CFAP299: variants seen among roughly 807,000 people sequenced by gnomAD.
The protein encoded by CFAP299 is cilia- and flagella-associated protein 299.
CFAP299 carries 21 observed loss-of-function variants against 27.0 expected under a neutral mutation model. That is an observed-to-expected ratio of 0.78 (90% CI 0.55 to 1.12). CFAP299 has a LOEUF of 1.12. Among genes scored for constraint, CFAP299 ranks in the 50% most tolerant of loss-of-function variants. The pLI is 0.00. For synonymous variants in CFAP299, 104 were observed against 98.1 expected, an observed-to-expected ratio of 1.06 and a Z score of -0.36; for missense variants, 310 against 276.6, an observed-to-expected ratio of 1.12 and a Z score of -0.86.
intron 3 of CFAP299, among the ~76,000 whole-genome samples, chr4:80,825,487 T>G (rs1389041519): frequency 6.6e-6 from 1 of 152,004 alleles, no homozygotes; most frequent in Non-Finnish European, 1.5e-5. Context: ...ATAAAATTCT[T>G]AAAACAACAA....
rs188282853 is a variant in CFAP299, at chr4:80,843,883, G to T, written c.334-26110G>T. On this transcript the variant is annotated intron_variant, in intron 3 of 5. Coordinates refer to ENST00000358105, the MANE Select transcript of CFAP299 (RefSeq NM_152770.3). ...CCATTAACTCGTCATTTAGCATTAG[G>T]TATATCTCCTAATGTATCCCTCCCC... 3.8e-3 allele frequency among the ~76,000 whole-genome samples: 584 copies of T among 151,692 alleles called. 6 individuals are homozygous for T. The highest frequency in any genetic ancestry group is 0.014 in the African/African-American group (557 of 41,100).
chr4:80,720,314 C>A (rs1385252582), intron 3 of CFAP299, among the ~76,000 whole-genome samples: 2 of 152,008 alleles, frequency 1.3e-5, no homozygotes, highest in African/African-American at 4.8e-5. Flanking sequence ...ACAGGGTCAC[C>A]AACTAGATTG....
intron 3 of CFAP299, among the ~76,000 whole-genome samples, chr4:80,721,826 A>C (rs1722835000): frequency 6.6e-6 from 1 of 152,164 alleles, no homozygotes; most frequent in Non-Finnish European, 1.5e-5. Context: ...AAAAAGAAAA[A>C]AACTGTCAAC....
chr4:80,840,809 ATAATT>A (rs2110138648), intron 3 of CFAP299, among the ~76,000 whole-genome samples: 1 of 152,240 alleles, frequency 6.6e-6, no homozygotes, highest in African/African-American at 2.4e-5. Context: ...TAGCCTCCAA[ATAATT>A]GGTTTGCCTT....
At chr4:80,866,833 A>T (rs953340524) in intron 3 of CFAP299, among the ~76,000 whole-genome samples, 3 of 152,152 alleles carry the variant, frequency 2.0e-5, no homozygotes, top group Admixed American at 6.6e-5. Context: ...GATTTAACTG[A>T]CCCAAGAAGG....
At chr4:80,470,828 T>C (rs1729957627) in intron 2 of CFAP299, among the ~76,000 whole-genome samples, 2 of 152,156 alleles carry the variant, frequency 1.3e-5, no homozygotes, top group South Asian at 4.1e-4. Context: ...GGGTGAGATA[T>C]GTATCAGCAG....
chr4:80,730,248 C>CTGTG (rs34594345), intron 3 of CFAP299, among the ~76,000 whole-genome samples: 1,575 of 130,836 alleles, frequency 0.012, 26 homozygotes, highest in East Asian at 0.042. Flanking sequence ...CTCTCTCTCT[C>CTGTG]TGTGTGTGTG....
chr4:80,631,724 C>T (rs13136169), intron 3 of CFAP299, among the ~76,000 whole-genome samples: 92,621 of 151,906 alleles, frequency 0.61, 32,146 homozygotes, highest in Non-Finnish European at 0.77. Context: ...TCTTTTTAAT[C>T]TATGTCATCA....
rs190292618 is a variant in CFAP299, at chr4:80,840,233, T to C, written c.334-29760T>C. 1.2e-4 allele frequency among the ~76,000 whole-genome samples: 19 copies of C among 152,274 alleles called. No individual in the cohort carries two copies. In the East Asian group the frequency reaches 3.7e-3, roughly 29 times the overall value. Reference sequence around the variant, plus strand: ...AACTTGAACTAGATGGTATATGTTGTGTTCTAATCTTCAATAATTAAGTAC... The same window carrying C: ...AACTTGAACTAGATGGTATATGTTGCGTTCTAATCTTCAATAATTAAGTAC... On this transcript the variant is annotated intron_variant, in intron 3 of 5. Transcript: ENST00000358105.
chr4:80,741,031 A>G (rs1341401449), intron 3 of CFAP299, among the ~76,000 whole-genome samples: 1 of 152,134 alleles, frequency 6.6e-6, no homozygotes, highest in Non-Finnish European at 1.5e-5. Flanking sequence ...TTGTTGCTCT[A>G]CCTGACTATG....
intron 3 of CFAP299, among the ~76,000 whole-genome samples, chr4:80,655,825 T>C (rs1036565995): frequency 6.6e-6 from 1 of 152,158 alleles, no homozygotes; most frequent in African/African-American, 2.4e-5. Flanking sequence ...CCAACTTCAT[T>C]TTCTGAAACT....
intron 3 of CFAP299, among the ~76,000 whole-genome samples, chr4:80,617,914 G>A (rs1389077948): frequency 6.6e-6 from 1 of 151,982 alleles, no homozygotes; most frequent in Non-Finnish European, 1.5e-5. Flanking sequence ...TTAAAGATCT[G>A]CCCAAAGGAA....
chr4:80,406,500 G>A (rs1288638192), intron 2 of CFAP299, among the ~76,000 whole-genome samples: 3 of 152,104 alleles, frequency 2.0e-5, no homozygotes, highest in Non-Finnish European at 4.4e-5. Flanking sequence ...AAGTAGCTGG[G>A]ACCATAGGCT....
At chr4:80,359,100 A>C (rs1384255773) in intron 1 of CFAP299, among the ~76,000 whole-genome samples, 1 of 152,004 alleles carries the variant, frequency 6.6e-6, no homozygotes, top group Non-Finnish European at 1.5e-5. Flanking sequence ...CCAAATATGA[A>C]ATTCTGGTTT....
At chr4:80,663,434 C>T (rs1481929282) in intron 3 of CFAP299, among the ~76,000 whole-genome samples, 2 of 152,118 alleles carry the variant, frequency 1.3e-5, no homozygotes. Flanking sequence ...TGGTTTCCAG[C>T]TTCATCCATG....
intron 3 of CFAP299, among the ~76,000 whole-genome samples, chr4:80,690,838 G>A (rs1199915805): frequency 6.6e-6 from 1 of 150,390 alleles, no homozygotes; most frequent in Non-Finnish European, 1.5e-5. Context: ...TCAAATAGAC[G>A]CAATAAAAAT....
In CFAP299 at chr4:80,871,637, T is replaced by G. The variant is rs1169641683; in HGVS notation, c.476+1502T>G. 4.1e-6 allele frequency: 4 copies of G among 981,418 alleles called. No individual in the cohort carries two copies. The African/African-American group carries it at 7.0e-5, about 17-fold the overall frequency. 60.8% of individuals were successfully genotyped at this position (981,418 alleles called of 1,614,324 possible). A position where few individuals can be genotyped will look rare whatever the true frequency, so the allele number is the denominator to read the frequency against. ...AGACCTCTTGTTTTTCATCACCACC[T>G]TTATAACTAATAATTTATTAAAAAC... On this transcript the variant is annotated intron_variant, in intron 4 of 5. Transcript: ENST00000358105.
At chr4:80,943,693 C>T (rs1014562505) in intron 4 of CFAP299, among the ~76,000 whole-genome samples, 2 of 151,968 alleles carry the variant, frequency 1.3e-5, no homozygotes, top group Admixed American at 6.6e-5. Context: ...TCTTTCAATT[C>T]ATATGACAGT....
At chr4:80,807,846 A>C (rs1371895185) in intron 3 of CFAP299, among the ~76,000 whole-genome samples, 22 of 152,162 alleles carry the variant, frequency 1.4e-4, no homozygotes, top group Admixed American at 1.4e-3. Flanking sequence ...TAAAAACATC[A>C]TAACCCATTT....
Sources: allele counts gnomAD v4.1 joint callset (sites outside exome capture counted in the v4.1 genomes callset), GRCh38; gene constraint gnomAD v4.1.1; transcripts MANE v1.5; gene names NCBI Gene and HGNC (gene_info 2026-07-23, HGNC 2026-07-21).